The following RANBP17 variants were observed in gnomAD, a reference collection of about 807,000 sequenced individuals.
The protein encoded by RANBP17 is ran-binding protein 17.
A neutral mutation model predicts 141.2 loss-of-function variants in RANBP17; 158 were observed. That is an observed-to-expected ratio of 1.12 (90% CI 0.98 to 1.28). The LOEUF is 1.28. RANBP17 is among the 50% of genes most tolerant of loss of function. The pLI is 0.00. For synonymous variants in RANBP17, 430 were observed against 450.0 expected (o/e 0.96, Z 0.56); for missense variants, 1,438 against 1,290.7 (o/e 1.11, Z -1.75).
chr5:171,219,322 C>T (rs1366836440), intron 21 of RANBP17, among the ~76,000 whole-genome samples: 1 of 152,144 alleles, frequency 6.6e-6, no homozygotes, highest in Non-Finnish European at 1.5e-5. Flanking sequence ...CTGCCCTTAA[C>T]ATTTTTTCCT....
intron 14 of RANBP17, among the ~76,000 whole-genome samples, chr5:171,065,946 T>G (rs1417084057): frequency 6.6e-6 from 1 of 151,692 alleles, no homozygotes; most frequent in East Asian, 1.9e-4. Context: ...CTGCAGCCTC[T>G]GCCTCCCGGG....
intron 3 of RANBP17, among the ~76,000 whole-genome samples, chr5:170,886,844 C>G (rs2112406): frequency 0.68 from 102,270 of 150,760 alleles, 34,775 homozygotes; most frequent in South Asian, 0.9. Flanking sequence ...TATTTTTTTT[C>G]TAGAGATGGG....
intron 13 of RANBP17, among the ~76,000 whole-genome samples, chr5:170,963,306 A>T (rs1776279561): frequency 6.6e-6 from 1 of 152,198 alleles, no homozygotes; most frequent in African/African-American, 2.4e-5. Context: ...TCCTTGTCTC[A>T]CACTGTATAA....
Position 170,975,400 on chromosome 5 carries a change from G to A in RANBP17, c.1710+7023G>A, listed in dbSNP as rs895473676. On this transcript the variant is annotated intron_variant, in intron 14 of 27. Coordinates refer to ENST00000523189, the MANE Select transcript of RANBP17 (RefSeq NM_022897.5). Reference sequence around the variant, plus strand: ...AAAATTTAGCCAGGCGTGGTGGCACGTGCCTGTAATCTCAACTACTCTGGA... The same window carrying A: ...AAAATTTAGCCAGGCGTGGTGGCACATGCCTGTAATCTCAACTACTCTGGA... 1.1e-4 allele frequency among the ~76,000 whole-genome samples: 16 copies of A among 152,230 alleles called. No homozygotes were observed. The East Asian group carries it at 1.4e-3, about 13-fold the overall frequency.
At chr5:170,875,117 G>T (rs191326866) in intron 1 of RANBP17, among the ~76,000 whole-genome samples, 1 of 152,280 alleles carries the variant, frequency 6.6e-6, no homozygotes, top group African/African-American at 2.4e-5. Flanking sequence ...GACATTCTGG[G>T]TTGAAAATTC....
chr5:171,205,537 G>A lies in RANBP17; in HGVS notation c.2156G>A (p.Gly719Glu). Residue 719 changes from glycine to glutamate, a missense_variant, in exon 20 of 28, where the codon GGG (glycine) becomes GAG (glutamate). Gly to Glu is a moderately conservative substitution (Grantham distance 98). Coordinates refer to ENST00000523189, the MANE Select transcript of RANBP17 (RefSeq NM_022897.5). Reference protein sequence around the residue: ...KQEDVKRMLIGLARDLRGIAF... With the variant: ...KQEDVKRMLIELARDLRGIAF... ...TCCCACTGACAGCGTATGTTGATCGGGCTGGCAAGAGATCTTCGAGGGATT... is the reference window on the plus strand; with the variant it reads ...TCCCACTGACAGCGTATGTTGATCGAGCTGGCAAGAGATCTTCGAGGGATT... 1 of 1,613,872 alleles carries A rather than the reference G, an allele frequency of 6.2e-7. No individual in the cohort carries two copies. Among genetic ancestry groups the A allele is most frequent in the South Asian group, 1.1e-5 (1 of 91,070 alleles).
intron 18 of RANBP17, among the ~76,000 whole-genome samples, chr5:171,193,962 A>G (rs1581835692): frequency 6.6e-6 from 1 of 152,224 alleles, no homozygotes; most frequent in African/African-American, 2.4e-5. Context: ...ATATTGATTT[A>G]TCACAATTGC....
At chr5:170,947,726 G>A (rs1774876187) in intron 12 of RANBP17, among the ~76,000 whole-genome samples, 2 of 152,046 alleles carry the variant, frequency 1.3e-5, no homozygotes, top group South Asian at 4.2e-4. Flanking sequence ...ACTCTATCTA[G>A]TTGGGCATTT....
chr5:171,066,128 C>T (rs555765215), intron 14 of RANBP17, among the ~76,000 whole-genome samples: 45 of 152,194 alleles, frequency 3.0e-4, no homozygotes, highest in African/African-American at 1.0e-3. Flanking sequence ...TCCCAAGGTG[C>T]TGGGATTACA....
At chr5:171,195,308 C>T (rs940142693) in intron 18 of RANBP17, among the ~76,000 whole-genome samples, 21 of 152,152 alleles carry the variant, frequency 1.4e-4, no homozygotes, top group African/African-American at 5.1e-4. Flanking sequence ...AAAGTGAGCT[C>T]ATGTTTTCTC....
intron 12 of RANBP17, among the ~76,000 whole-genome samples, chr5:170,933,195 G>C (rs1392041867): frequency 6.6e-6 from 1 of 152,178 alleles, no homozygotes; most frequent in South Asian, 2.1e-4. Context: ...TAATTTATTT[G>C]TGTAGAGGTG....
intron 14 of RANBP17, among the ~76,000 whole-genome samples, chr5:171,102,309 C>G (rs769357858): frequency 6.6e-6 from 1 of 152,054 alleles, no homozygotes; most frequent in Non-Finnish European, 1.5e-5. Flanking sequence ...TCTGTTTTCT[C>G]TAATCTTGTC....
intron 14 of RANBP17, among the ~76,000 whole-genome samples, chr5:171,110,220 T>C (rs1755128855): frequency 6.6e-6 from 1 of 152,034 alleles, no homozygotes; most frequent in Non-Finnish European, 1.5e-5. Context: ...ATATTTATAC[T>C]CTTAGGCTTC....
intron 14 of RANBP17, among the ~76,000 whole-genome samples, chr5:171,118,804 C>G (rs890187266): frequency 6.6e-6 from 1 of 152,090 alleles, no homozygotes; most frequent in Non-Finnish European, 1.5e-5. Context: ...ATTCATTGAT[C>G]AGTTCTAAAT....
intron 14 of RANBP17, among the ~76,000 whole-genome samples, chr5:171,014,824 A>G (rs1426314398): frequency 6.6e-6 from 1 of 151,924 alleles, no homozygotes; most frequent in East Asian, 1.9e-4. Context: ...TTTCTTGTAA[A>G]ATTTCATGTA....
chr5:171,277,637 G>GTGTATGTATATATATATA (rs1437482589), intron 25 of RANBP17, among the ~76,000 whole-genome samples: 2 of 56,904 alleles, frequency 3.5e-5, no homozygotes, highest in Admixed American at 2.7e-4. Flanking sequence ...ATATATGTAT[G>GTGTATGTATATATATATA]TATATATATA....
intron 18 of RANBP17, among the ~76,000 whole-genome samples, chr5:171,184,364 A>T (rs2127922992): frequency 6.6e-6 from 1 of 152,328 alleles, no homozygotes; most frequent in South Asian, 2.1e-4. Flanking sequence ...TACTATGTTA[A>T]GTGAAATAAG....
At chr5:171,252,184 C>G in intron 24 of RANBP17, 1 of 1,579,304 alleles carries the variant, frequency 6.3e-7, no homozygotes, top group Non-Finnish European at 8.7e-7. Context: ...CAACAAGATC[C>G]CCCATGAATT....
chr5:171,245,455 C>T (rs562966987), intron 24 of RANBP17, among the ~76,000 whole-genome samples: 33 of 152,172 alleles, frequency 2.2e-4, no homozygotes, highest in African/African-American at 7.9e-4. Flanking sequence ...GCTGGGATTA[C>T]AGGCATGCAC....
Sources: gnomAD v4.1 joint callset for allele counts (sites outside exome capture counted in the v4.1 genomes callset) on GRCh38, gnomAD v4.1.1 for gene constraint, MANE v1.5 for transcripts, NCBI Gene and HGNC (gene_info 2026-07-23, HGNC 2026-07-21) for gene names.